Variants in AGBL4 observed in about 807,000 individuals in gnomAD.
AGBL4 encodes AGBL carboxypeptidase 4, also known as cytosolic carboxypeptidase 6.
AGBL4 carries 58 observed loss-of-function variants against 66.4 expected under a neutral mutation model. That is an observed-to-expected ratio of 0.87 (90% CI 0.71 to 1.09). AGBL4 has a LOEUF of 1.09. Ranked by LOEUF, AGBL4 falls within the 50% of genes least tolerant of loss-of-function variation. The pLI is 0.00. For synonymous variants in AGBL4, 234 were observed against 222.9 expected, an observed-to-expected ratio of 1.05 and a Z score of -0.44; for missense variants, 579 against 631.0, an observed-to-expected ratio of 0.92 and a Z score of 0.88.
intron 6 of AGBL4, among the ~76,000 whole-genome samples, chr1:48,753,781 G>A (rs1652107779): frequency 6.6e-6 from 1 of 152,166 alleles, no homozygotes; most frequent in Non-Finnish European, 1.5e-5. Context: ...AAATGTCAAG[G>A]TGCTTTAAAA....
In AGBL4 at chr1:49,075,047, G is replaced by C. The variant is rs764666090; in HGVS notation, c.378-29247C>G. Among the ~76,000 whole-genome samples, 9 of 152,232 alleles carry C rather than the reference G, an allele frequency of 5.9e-5. No homozygotes were observed. In the South Asian group the frequency reaches 1.9e-3, roughly 32 times the overall value. ...TAAATGAAACACTTGAAGAGAAAGGGATTAATTCAGTTCATTCCCTGGACA... is the reference window on the plus strand; with the variant it reads ...TAAATGAAACACTTGAAGAGAAAGGCATTAATTCAGTTCATTCCCTGGACA... On this transcript the variant is annotated intron_variant, in intron 4 of 13. Transcript: ENST00000371839.
At chr1:49,226,220 T>A (rs1649897950) in intron 4 of AGBL4, among the ~76,000 whole-genome samples, 1 of 152,166 alleles carries the variant, frequency 6.6e-6, no homozygotes, top group Admixed American at 6.5e-5. Context: ...TAATGCATAG[T>A]GAGATCAGAT....
At chr1:48,681,078 T>G (rs1646447592) in intron 6 of AGBL4, among the ~76,000 whole-genome samples, 1 of 152,172 alleles carries the variant, frequency 6.6e-6, no homozygotes, top group Admixed American at 6.5e-5. Context: ...CCCTGGATGC[T>G]TCCTGTGTTG....
intron 9 of AGBL4, among the ~76,000 whole-genome samples, chr1:48,598,535 A>G (rs902219852): frequency 7.2e-4 from 109 of 151,916 alleles, no homozygotes; most frequent in Non-Finnish European, 3.2e-4. Context: ...CCGGCACTTT[A>G]GGAGGCCAAG....
At chr1:49,404,779 C>T (rs201156057) in intron 3 of AGBL4, among the ~76,000 whole-genome samples, 1 of 152,174 alleles carries the variant, frequency 6.6e-6, no homozygotes. Context: ...ACAAATAAAA[C>T]AAATCTAATT....
chr1:48,956,003 T>C (rs1311020844), intron 5 of AGBL4, among the ~76,000 whole-genome samples: 1 of 152,256 alleles, frequency 6.6e-6, no homozygotes, highest in African/African-American at 2.4e-5. Flanking sequence ...CTGGCTCTAA[T>C]TGGATCTGGC....
Position 49,887,152 on chromosome 1 carries a change from T to TACAC in AGBL4, c.35-35635_35-35634insGTGT, listed in dbSNP as rs71572691. On this transcript the variant is annotated intron_variant, in intron 1 of 13. Coordinates refer to ENST00000371839, the MANE Select transcript of AGBL4 (RefSeq NM_032785.4). ...ACATTTTGTGATATATATATATATA[T>TACAC]ACATTGTGTGTATATATATACATTG... Among the ~76,000 whole-genome samples the TACAC allele has an allele frequency of 2.9e-3, 418 of 145,996 alleles. 6 individuals are homozygous for TACAC. The highest frequency in any genetic ancestry group is 4.8e-3 in the Admixed American group (69 of 14,452).
chr1:49,028,566 C>G (rs988017945), intron 5 of AGBL4, among the ~76,000 whole-genome samples: 1 of 152,022 alleles, frequency 6.6e-6, no homozygotes, highest in Admixed American at 6.6e-5. Context: ...TATATTGAAA[C>G]CAGCAAGAGA....
chr1:49,554,211 G>C (rs1429325864), intron 3 of AGBL4, among the ~76,000 whole-genome samples: 1 of 152,064 alleles, frequency 6.6e-6, no homozygotes, highest in Non-Finnish European at 1.5e-5. Flanking sequence ...AAACTACAAA[G>C]TCCATGGTCT....
Position 49,070,765 on chromosome 1 carries a change from T to C in AGBL4, c.378-24965A>G, listed in dbSNP as rs1208457570. On this transcript the variant is annotated intron_variant, in intron 4 of 13. Coordinates refer to ENST00000371839, the MANE Select transcript of AGBL4 (RefSeq NM_032785.4). ...GCTTCATAAAATGAGTTAGGGAGGA[T>C]TCCCTCTTTTTCGGTTGATTGGAAT... Among the ~76,000 whole-genome samples, 4 of 152,122 alleles carry C rather than the reference T, an allele frequency of 2.6e-5. No homozygotes were observed. In the East Asian group the frequency reaches 5.8e-4, roughly 22 times the overall value.
intron 3 of AGBL4, among the ~76,000 whole-genome samples, chr1:49,250,329 G>A (rs1299529975): frequency 6.6e-6 from 1 of 152,062 alleles, no homozygotes; most frequent in Non-Finnish European, 1.5e-5. Context: ...ATGACTGGCA[G>A]GCTTTAAACA....
At chr1:49,006,983 A>G in intron 5 of AGBL4, among the ~76,000 whole-genome samples, 1 of 104,540 alleles carries the variant, frequency 9.6e-6, no homozygotes, top group Non-Finnish European at 2.4e-5. Flanking sequence ...TCCTCCTCCA[A>G]AGGAACGCAG....
intron 4 of AGBL4, among the ~76,000 whole-genome samples, chr1:49,083,764 A>T (rs1429867631): frequency 6.6e-6 from 1 of 152,136 alleles, no homozygotes; most frequent in East Asian, 1.9e-4. Flanking sequence ...TCAGGCTGCA[A>T]TTTTTCCTAA....
chr1:48,534,798 T>A (rs1184775079), intron 13 of AGBL4, 92 bp downstream of exon 13: 3 of 1,340,566 alleles, frequency 2.2e-6, no homozygotes, highest in Non-Finnish European at 3.1e-6. Flanking sequence ...CTTGCTAACA[T>A]AACAAGGCTG....
At chr1:49,473,418 T>A (rs1396771822) in intron 3 of AGBL4, among the ~76,000 whole-genome samples, 1 of 152,080 alleles carries the variant, frequency 6.6e-6, no homozygotes, top group Non-Finnish European at 1.5e-5. Flanking sequence ...TTTTTCATGT[T>A]TGTTGACTAC....
At chr1:48,800,950 G>A (rs1018714024) in intron 6 of AGBL4, among the ~76,000 whole-genome samples, 6 of 152,180 alleles carry the variant, frequency 3.9e-5, no homozygotes, top group Non-Finnish European at 8.8e-5. Flanking sequence ...TAGGGTTAGG[G>A]GGGTCTGAGC....
At chr1:49,038,901 G>A (rs1664878073) in intron 5 of AGBL4, among the ~76,000 whole-genome samples, 1 of 152,060 alleles carries the variant, frequency 6.6e-6, no homozygotes, top group African/African-American at 2.4e-5. Flanking sequence ...CCTGAATGCT[G>A]ATGTTTACAG....
At chr1:48,591,384 C>T (rs1425580818) in intron 9 of AGBL4, among the ~76,000 whole-genome samples, 2 of 152,096 alleles carry the variant, frequency 1.3e-5, no homozygotes, top group Non-Finnish European at 2.9e-5. Context: ...TGAGAAATAC[C>T]TTCCAGGTAA....
chr1:49,095,131 T>C (rs1381125881), intron 4 of AGBL4, among the ~76,000 whole-genome samples: 1 of 152,154 alleles, frequency 6.6e-6, no homozygotes, highest in Non-Finnish European at 1.5e-5. Flanking sequence ...TTACAAGGGA[T>C]GTGAAGGACC....
Sources: allele counts gnomAD v4.1 joint callset (sites outside exome capture counted in the v4.1 genomes callset), GRCh38; gene constraint gnomAD v4.1.1; transcripts MANE v1.5; gene names NCBI Gene and HGNC (gene_info 2026-07-23, HGNC 2026-07-21).